The following AMELX variants were observed in gnomAD, a reference collection of about 807,000 sequenced individuals.
The protein encoded by AMELX is amelogenin X-linked.
In AMELX, 9 loss-of-function variants were observed where a neutral mutation model predicts 15.8. The observed-to-expected ratio is 0.57, with a 90% CI of 0.34 to 0.99. The LOEUF (loss-of-function observed/expected upper bound fraction) is 0.99. Among genes scored for constraint, AMELX ranks in the 50% least tolerant of loss-of-function variants. AMELX has a pLI of 0.02. For synonymous variants in AMELX, 61 were observed against 58.8 expected (o/e 1.04, Z -0.17); for missense variants, 107 against 156.2 (o/e 0.68, Z 1.68).
At chrX:11,295,872 G>A (rs778333892) in intron 2 of AMELX, among the ~76,000 whole-genome samples, 2 of 111,601 alleles carry the variant, frequency 1.8e-5, no homozygotes, top group Admixed American at 9.5e-5. Flanking sequence ...CCTAAATGAG[G>A]CCAATGTCTG....
downstream of AMELX, among the ~76,000 whole-genome samples, chrX:11,303,091 G>A (rs988901420): frequency 8.9e-6 from 1 of 112,563 alleles, no homozygotes; most frequent in Non-Finnish European, 1.9e-5. Context: ...AGACTAACAA[G>A]AGAAAAACGA....
At chrX:11,304,777 CTTTTTTTTTTTTT>C (rs953912280), downstream of AMELX, among the ~76,000 whole-genome samples, 251 of 50,292 alleles carry the variant, frequency 5.0e-3, 2 homozygotes, top group African/African-American at 0.02. Context: ...CTTTCTTTTA[CTTTTTTTTTTTTT>C]TTTTTTTTTT....
downstream of AMELX, among the ~76,000 whole-genome samples, chrX:11,305,408 G>A (rs1326791620): frequency 8.9e-6 from 1 of 111,889 alleles, no homozygotes; most frequent in African/African-American, 3.3e-5. Flanking sequence ...TTTAAAAACC[G>A]TCCGACAGAA....
chrX:11,297,016 C>T (rs1011832931), intron 3 of AMELX, among the ~76,000 whole-genome samples, 190 bp downstream of exon 3: 35 of 111,317 alleles, frequency 3.1e-4, no homozygotes, highest in Admixed American at 9.5e-4. Flanking sequence ...AGCAGCCTCC[C>T]GCCTGGCCAC....
At chrX:11,294,891 G>A in intron 2 of AMELX, 49 bp downstream of exon 2, 1 of 1,180,219 alleles carries the variant, frequency 8.5e-7, no homozygotes, top group East Asian at 3.0e-5. Flanking sequence ...TCACAAACTT[G>A]GACATAAAAA....
At position 11,298,965 on chromosome X, in the gene AMELX, G is replaced by A. The variant is rs750270295; in HGVS notation, c.562G>A (p.Glu188Lys). 11 of 1,207,933 alleles carry A rather than the reference G, an allele frequency of 9.1e-6. No homozygotes were observed. In the African/African-American group the frequency reaches 1.9e-4, roughly 21 times the overall value. ...AWPSTDKTKR[E>K]EVD ...GCCATCAACAGACAAGACCAAGCGG[G>A]AGGAAGTGGTGAGTATATTTTGAAG... The change falls in exon 5 of 6, where the codon GAG (glutamate) becomes AAG (lysine). Residue 188 changes from glutamate to lysine, a missense_variant. Coordinates refer to ENST00000380714, the MANE Select transcript of AMELX (RefSeq NM_001142.2).
downstream of AMELX, among the ~76,000 whole-genome samples, chrX:11,303,957 G>A (rs754544444): frequency 8.9e-6 from 1 of 112,124 alleles, no homozygotes; most frequent in African/African-American, 3.2e-5. Flanking sequence ...TACAGTTCTT[G>A]TAATCAGAAA....
downstream of AMELX, among the ~76,000 whole-genome samples, chrX:11,305,318 C>G (rs1381763280): frequency 8.9e-6 from 1 of 112,062 alleles, no homozygotes; most frequent in African/African-American, 3.2e-5. Flanking sequence ...CAGATTTCAC[C>G]ACTACACAAT....
At chrX:11,308,861 A>C in the AMELX span, among the ~76,000 whole-genome samples, 1 of 112,534 alleles carries the variant, frequency 8.9e-6, no homozygotes, top group Admixed American at 9.4e-5. Flanking sequence ...ATGGTGCAGA[A>C]GAAATGGTGG....
chrX:11,299,609 C>T (rs997546677), intron 5 of AMELX, among the ~76,000 whole-genome samples: 11 of 112,283 alleles, frequency 9.8e-5, no homozygotes, highest in Non-Finnish European at 3.8e-5. Context: ...TTACAGGTAG[C>T]TCTTACAAAT....
In AMELX at chrX:11,298,951, A is replaced by G. The variant is rs761524591; in HGVS notation, c.548A>G (p.Asp183Gly). Reference protein sequence around the residue: ...DLTLEAWPSTDKTKREEVD With the variant: ...DLTLEAWPSTGKTKREEVD ...ACTCTGGAAGCTTGGCCATCAACAG[A>G]CAAGACCAAGCGGGAGGAAGTGGTG... is the stretch of plus-strand genomic sequence containing the variant. Residue 183 changes from aspartate (D) to glycine (G), a missense_variant, in exon 5 of 6, where the codon GAC (aspartate) becomes GGC (glycine). Transcript: ENST00000380714. 8.3e-7 allele frequency: 1 copy of G among 1,208,749 alleles called. No homozygotes were observed. The highest frequency in any genetic ancestry group is 1.1e-6 in the Non-Finnish European group (1 of 894,875).
At chrX:11,305,411 C>T (rs2048227756), downstream of AMELX, among the ~76,000 whole-genome samples, 1 of 111,617 alleles carries the variant, frequency 9.0e-6, no homozygotes, top group Non-Finnish European at 1.9e-5. Flanking sequence ...AAAAACCGTC[C>T]GACAGAAGTT....
At chrX:11,302,042 T>C (rs1244633261), downstream of AMELX, among the ~76,000 whole-genome samples, 1 of 112,375 alleles carries the variant, frequency 8.9e-6, no homozygotes, top group Non-Finnish European at 1.9e-5. Context: ...AGACATACAT[T>C]AACTGGTAAT....
At chrX:11,309,294 C>T in the AMELX span, among the ~76,000 whole-genome samples, 3 of 111,470 alleles carry the variant, frequency 2.7e-5, no homozygotes, top group Non-Finnish European at 5.7e-5. Context: ...CAGGCAGTAG[C>T]GAGCCCCCAT....
Position 11,298,784 on chromosome X carries a change from CCAGCCCCAGCCTGTT to C in AMELX, c.387_401del (p.Val132_Pro136del), listed in dbSNP as rs777018247. The C allele has an allele frequency of 8.3e-7, 1 of 1,208,645 alleles. No individual in the cohort carries two copies. Among genetic ancestry groups the C allele is most frequent in the Non-Finnish European group, 1.1e-6 (1 of 894,867 alleles). On this transcript the variant is annotated inframe_deletion, in exon 5 of 6. Transcript: ENST00000380714. ...TCCCTCCGCCCGCCCAGCAGCCCTACCAGCCCCAGCCTGTTCAGCCACAGCCTCACCAGCCCATGC... is the reference window on the plus strand; with the variant it reads ...TCCCTCCGCCCGCCCAGCAGCCCTACCAGCCACAGCCTCACCAGCCCATGC...
chrX:11,296,739 C>T (rs2048091604), intron 2 of AMELX, 40 bp from the exon 3 acceptor site: 2 of 1,156,655 alleles, frequency 1.7e-6, no homozygotes, highest in South Asian at 3.6e-5. Flanking sequence ...TCTCTCCCTT[C>T]CTCTCTCTTT....
chrX:11,307,265 C>T, the AMELX span, among the ~76,000 whole-genome samples: 2 of 110,786 alleles, frequency 1.8e-5, no homozygotes, highest in Admixed American at 1.9e-4. Context: ...TGAAATTCAC[C>T]GAGAATGACA....
chrX:11,294,635 A>G lies in AMELX; in HGVS notation c.-12-142A>G, dbSNP rs1320677998. On this transcript the variant is annotated intron_variant, in intron 1 of 5. Transcript: ENST00000380714. ...ATAGGCTGAGAGCTGGAAATCACAT[A>G]TGACTGAAGTAAATTCACAAACAAT... The G allele has an allele frequency of 6.2e-6, 4 of 647,050 alleles. No individual in the cohort carries two copies. In the African/African-American group the frequency reaches 6.5e-5, roughly 11 times the overall value. 53.3% of individuals were successfully genotyped at this position (647,050 alleles called of 1,213,427 possible).
chrX:11,303,612 A>G (rs1414919706), downstream of AMELX, among the ~76,000 whole-genome samples: 2 of 112,148 alleles, frequency 1.8e-5, no homozygotes, highest in African/African-American at 3.2e-5. Context: ...GAACGATATT[A>G]AAATCTCAAT....
Sources: allele counts gnomAD v4.1 joint callset (sites outside exome capture counted in the v4.1 genomes callset), GRCh38; gene constraint gnomAD v4.1.1; transcripts MANE v1.5; gene names NCBI Gene and HGNC (gene_info 2026-07-23, HGNC 2026-07-21).